The following ZFHX3 variants were observed in gnomAD, a reference collection of about 807,000 sequenced individuals.
The protein encoded by ZFHX3 is zinc finger homeobox 3, also known as zinc finger homeobox protein 3.
ZFHX3 carries 42 observed loss-of-function variants against 279.1 expected under a neutral mutation model. That is an observed-to-expected ratio of 0.15 (90% CI 0.12 to 0.19). The LOEUF (loss-of-function observed/expected upper bound fraction) is 0.19, where lower values mean the gene tolerates loss of function less well. ZFHX3 is among the 10% of genes least tolerant of loss of function. The pLI, the probability that ZFHX3 is intolerant of heterozygous loss-of-function variation, is 1.00. For synonymous variants in ZFHX3, 2,293 were observed against 1,957.8 expected (o/e 1.17, Z -4.52); for missense variants, 4,981 against 4,754.0 (o/e 1.05, Z -1.40).
At chr16:73,119,888 A>G (rs1966476366) in intron 7 of ZFHX3, among the ~76,000 whole-genome samples, 1 of 151,968 alleles carries the variant, frequency 6.6e-6, no homozygotes, top group Non-Finnish European at 1.5e-5. Flanking sequence ...GGGGCTTGCT[A>G]TGTTTCCCAG....
chr16:72,841,287 A>G (rs1291385615), intron 4 of ZFHX3, among the ~76,000 whole-genome samples: 1 of 152,228 alleles, frequency 6.6e-6, no homozygotes, highest in African/African-American at 2.4e-5. Flanking sequence ...CAGAAGCAAC[A>G]TGTTTCAGTT....
chr16:73,537,199 A>G lies in ZFHX3; in HGVS notation c.-1546-80941T>C, dbSNP rs1597373604. Among the ~76,000 whole-genome samples the G allele has an allele frequency of 2.0e-5, 3 of 151,606 alleles. No individual in the cohort carries two copies. In the East Asian group the frequency reaches 5.9e-4, roughly 30 times the overall value. On this transcript the variant is annotated intron_variant, in intron 2 of 17. Coordinates refer to the ZFHX3 transcript ENST00000641206. ...CTTATCTTTAAAACTTCAGCAGCTGATGGCTCAGAGTTCAGCATCACCAAT... is the reference window on the plus strand; with the variant it reads ...CTTATCTTTAAAACTTCAGCAGCTGGTGGCTCAGAGTTCAGCATCACCAAT...
intron 1 of ZFHX3, among the ~76,000 whole-genome samples, chr16:73,012,222 T>C (rs1963941269): frequency 6.6e-6 from 1 of 151,440 alleles, no homozygotes; most frequent in Admixed American, 6.6e-5. Context: ...AGCCTCAAAC[T>C]CCATTCAGCT....
chr16:73,259,299 T>G (rs932413921), intron 4 of ZFHX3, among the ~76,000 whole-genome samples: 2 of 152,220 alleles, frequency 1.3e-5, no homozygotes, highest in Middle Eastern at 3.2e-3. Flanking sequence ...TTACACTCCC[T>G]CCAACACACT....
intron 1 of ZFHX3, among the ~76,000 whole-genome samples, chr16:73,751,878 G>A (rs1162381949): frequency 6.6e-6 from 1 of 152,136 alleles, no homozygotes; most frequent in East Asian, 1.9e-4. Context: ...ACAGCAATTG[G>A]ATCTGAGGCA....
Position 72,787,003 on chromosome 16 carries a change from T to C in ZFHX3, c.*161A>G. 3 of 623,630 alleles carry C rather than the reference T, an allele frequency of 4.8e-6. No homozygotes were observed. The highest frequency in any genetic ancestry group is 6.9e-6 in the Non-Finnish European group (3 of 435,088). 38.6% of individuals were successfully genotyped at this position (623,630 alleles called of 1,614,324 possible). ...ATGTAAAATCACCGGCATAGATAGGTATATGGGAAAACAACCCACGCTTTT... is the reference window on the plus strand; with the variant it reads ...ATGTAAAATCACCGGCATAGATAGGCATATGGGAAAACAACCCACGCTTTT... On this transcript the variant is annotated 3_prime_UTR_variant, in exon 10 of 10. Transcript: ENST00000268489.
chr16:73,199,982 C>T (rs966111452), intron 5 of ZFHX3, among the ~76,000 whole-genome samples: 12 of 152,138 alleles, frequency 7.9e-5, no homozygotes, highest in African/African-American at 2.4e-4. Context: ...AAATTAATCA[C>T]CACACTAGTC....
At position 73,115,997 on chromosome 16, in the gene ZFHX3, G is replaced by A. The variant is rs561456268; in HGVS notation, c.-897+14971C>T. ...TAGCCGGGCGTGGTGATGCATGCCT[G>A]TAATCCCAGCTACTCAGGAGGCTGA... On this transcript the variant is annotated intron_variant, in intron 7 of 17. Coordinates refer to the ZFHX3 transcript ENST00000641206. Among the ~76,000 whole-genome samples the A allele has an allele frequency of 3.3e-5, 5 of 152,206 alleles. No homozygotes were observed. The East Asian group carries it at 9.7e-4, about 30-fold the overall frequency.
intron 5 of ZFHX3, among the ~76,000 whole-genome samples, chr16:73,211,277 C>A (rs781258885): frequency 2.0e-5 from 3 of 152,118 alleles, no homozygotes; most frequent in Admixed American, 1.3e-4. Flanking sequence ...CAAGCTTGAG[C>A]AAAGTGTGGA....
At position 73,637,567 on chromosome 16, in the gene ZFHX3, TGTGA is replaced by T. The variant is rs541672624; in HGVS notation, c.-1547+42609_-1547+42612del. Among the ~76,000 whole-genome samples, 772 of 152,210 alleles carry T rather than the reference TGTGA, an allele frequency of 5.1e-3. 3 individuals carry two copies. Among genetic ancestry groups the T allele is most frequent in the Non-Finnish European group, 7.7e-3 (525 of 68,000 alleles). On this transcript the variant is annotated intron_variant, in intron 2 of 17. Coordinates refer to the ZFHX3 transcript ENST00000641206. ...TTTTAAAAAGACAGGTTGAAAAGAA[TGTGA>T]GTATGTGTTTATTAAATGTTATAGT...
chr16:73,584,098 A>G (rs1032235432), intron 2 of ZFHX3, among the ~76,000 whole-genome samples: 1 of 152,198 alleles, frequency 6.6e-6, no homozygotes, highest in Non-Finnish European at 1.5e-5. Flanking sequence ...ATCTATCTGA[A>G]TAACTCATGC....
At chr16:73,166,103 A>G (rs1005909322) in intron 5 of ZFHX3, among the ~76,000 whole-genome samples, 3 of 152,252 alleles carry the variant, frequency 2.0e-5, no homozygotes, top group East Asian at 1.9e-4. Context: ...GGGGCAATAT[A>G]GAGAGTCGCA....
In ZFHX3 at chr16:72,957,989, G is replaced by A. The variant is rs372819825; in HGVS notation, c.2157C>T (p.Tyr719=). The A allele has an allele frequency of 3.1e-6, 5 of 1,614,000 alleles. No homozygotes were observed. Among genetic ancestry groups the A allele is most frequent in the Non-Finnish European group, 4.2e-6 (5 of 1,180,042 alleles). Residue 719 remains tyrosine (Y), a synonymous_variant, in exon 2 of 10, where the codon TAC becomes TAT. Transcript: ENST00000268489. Reference sequence around the variant, plus strand: ...AGCGGAAAGGCTTGTAACCACACGTGTAGCTCTCGCCTCGTGCCAGCCGGG... The same window carrying A: ...AGCGGAAAGGCTTGTAACCACACGTATAGCTCTCGCCTCGTGCCAGCCGGG... The part of the protein sequence containing the change: ...PHPRLARGES[Y]TCGYKPFRCE...
Position 73,070,934 on chromosome 16 carries a change from GCGCGCACACACACACA to G in ZFHX3, c.-532-11938_-532-11923del, listed in dbSNP as rs1232952221. Among the ~76,000 whole-genome samples, 12 of 69,274 alleles carry G rather than the reference GCGCGCACACACACACA, an allele frequency of 1.7e-4. No individual in the cohort carries two copies. In the South Asian group the frequency reaches 3.7e-3, roughly 21 times the overall value. 45.4% of individuals were successfully genotyped at this position (69,274 alleles called of 152,430 possible). ...CCGTCTTGCGCGCGCGCGCGCGCGC[GCGCGCACACACACACA>G]CACACACACACACACACACACATCT... On this transcript the variant is annotated intron_variant, in intron 8 of 17. Transcript: ENST00000641206.
intron 6 of ZFHX3, among the ~76,000 whole-genome samples, chr16:73,139,884 G>A (rs556731805): frequency 3.9e-5 from 6 of 152,318 alleles, no homozygotes; most frequent in Non-Finnish European, 7.4e-5. Flanking sequence ...TGGGACTTGA[G>A]GGAGACCATG....
chr16:73,733,975 A>AT (rs2053589288), intron 1 of ZFHX3, among the ~76,000 whole-genome samples: 1 of 152,034 alleles, frequency 6.6e-6, no homozygotes, highest in South Asian at 2.1e-4. Flanking sequence ...ATGGAAGACA[A>AT]TTTTTCCATG....
In ZFHX3 at chr16:72,793,776, C is replaced by T. The variant is rs1362292065; in HGVS notation, c.8906G>A (p.Arg2969Lys). ...CTCACATTCTAGCATAGTGGGTGTC[C>T]TGTAGTCATTAAAGCATGACTTGAG... ...KVLKSCFNDYRTPTMLECEVL... is the reference protein window; with the variant it reads ...KVLKSCFNDYKTPTMLECEVL... Residue 2969 changes from arginine (R) to lysine (K), a missense_variant, in exon 9 of 10, where the codon AGG becomes AAG. Physicochemically the swap from Arg to Lys is conservative, Grantham distance 26 (BLOSUM62 2). Transcript: ENST00000268489. The surrounding 1 kb of genome is among the most constrained non-coding windows in gnomAD (Gnocchi z 4.3). 1 of 1,614,126 alleles carries T rather than the reference C, an allele frequency of 6.2e-7. No individual in the cohort carries two copies. Among genetic ancestry groups the T allele is most frequent in the Non-Finnish European group, 8.5e-7 (1 of 1,180,020 alleles).
At chr16:73,585,846 G>C (rs1404483642) in intron 2 of ZFHX3, among the ~76,000 whole-genome samples, 1 of 151,824 alleles carries the variant, frequency 6.6e-6, no homozygotes, top group African/African-American at 2.4e-5. Flanking sequence ...GATTAATTTT[G>C]GAATTTGATT....
intron 3 of ZFHX3, among the ~76,000 whole-genome samples, chr16:72,891,978 C>T (rs2038784301): frequency 6.6e-6 from 1 of 152,194 alleles, no homozygotes; most frequent in Admixed American, 6.5e-5. Context: ...ATGCAAGACA[C>T]TGACAAGCTA....
Sources: allele counts gnomAD v4.1 joint callset (sites outside exome capture counted in the v4.1 genomes callset), GRCh38; gene constraint gnomAD v4.1.1; non-coding constraint Gnocchi (gnomAD v3.1); transcripts MANE v1.5; gene names NCBI Gene and HGNC (gene_info 2026-07-23, HGNC 2026-07-21).